MFHAS1: variants seen among roughly 807,000 people sequenced by gnomAD.
MFHAS1 encodes malignant fibrous histiocytoma-amplified sequence 1.
In MFHAS1, 50 loss-of-function variants were observed where a neutral mutation model predicts 70.4. That is an observed-to-expected ratio of 0.71 (90% CI 0.57 to 0.90). The LOEUF (loss-of-function observed/expected upper bound fraction) is 0.90. Among genes scored for constraint, MFHAS1 ranks in the 40% least tolerant of loss-of-function variants. MFHAS1 has a pLI of 0.00. For missense variants in MFHAS1, 1,795 were observed against 1,347.6 expected (o/e 1.33, Z -5.20); for synonymous variants, 952 against 620.0 (o/e 1.54, Z -7.96).
In MFHAS1 at chr8:8,890,176, G is replaced by C. The variant is rs778156928; in HGVS notation, c.2883C>G (p.Pro961=). The C allele has an allele frequency of 1.2e-6, 2 of 1,614,072 alleles. No homozygotes were observed. Among genetic ancestry groups the C allele is most frequent in the East Asian group, 2.2e-5 (1 of 44,890 alleles). ...GTAGGACATTCAGTTCCTCCACCAA[G>C]GGGGTTATGGCTTGCCATGCGGTCC... ...NIWTAWQAIT[P]LVEELNVLLQ... is the part of the protein sequence containing the mutation. The change falls in exon 1 of 3, where the codon CCC becomes CCG. Residue 961 remains proline (P), a synonymous_variant. Coordinates refer to ENST00000276282, the MANE Select transcript of MFHAS1 (RefSeq NM_004225.3).
At chr8:8,839,488 C>T (rs1433465507) in intron 1 of MFHAS1, among the ~76,000 whole-genome samples, 1 of 152,140 alleles carries the variant, frequency 6.6e-6, no homozygotes, top group Non-Finnish European at 1.5e-5. Flanking sequence ...AATGAGATAT[C>T]CTAGTTCTGG....
intron 2 of MFHAS1, among the ~76,000 whole-genome samples, chr8:8,787,905 T>C (rs1300695229): frequency 6.6e-6 from 1 of 152,244 alleles, no homozygotes; most frequent in African/African-American, 2.4e-5. Context: ...TTCACATCTA[T>C]ATGCCTTTTT....
At chr8:8,883,651 T>G (rs1010192829) in intron 1 of MFHAS1, among the ~76,000 whole-genome samples, 17 of 128,570 alleles carry the variant, frequency 1.3e-4, no homozygotes, top group Non-Finnish European at 2.2e-4. Flanking sequence ...GAGGTTGCAA[T>G]GAGCTCAGAC....
chr8:8,789,293 C>A (rs1029362919), intron 2 of MFHAS1, among the ~76,000 whole-genome samples: 1 of 152,178 alleles, frequency 6.6e-6, no homozygotes, highest in African/African-American at 2.4e-5. Context: ...TTACGGACTC[C>A]TAGCTTGGAG....
At chr8:8,877,714 A>G (rs1030436706) in intron 1 of MFHAS1, among the ~76,000 whole-genome samples, 1 of 152,056 alleles carries the variant, frequency 6.6e-6, no homozygotes, top group African/African-American at 2.4e-5. Context: ...ATGTGAAACT[A>G]CCCTTCCGTT....
chr8:8,863,223 C>T (rs921781203), intron 1 of MFHAS1, among the ~76,000 whole-genome samples: 2 of 152,178 alleles, frequency 1.3e-5, no homozygotes, highest in Admixed American at 6.5e-5. Flanking sequence ...GTCTTAATTA[C>T]TATAGCCGGA....
intron 1 of MFHAS1, among the ~76,000 whole-genome samples, chr8:8,853,078 T>C (rs1408779073): frequency 9.9e-5 from 15 of 152,168 alleles, no homozygotes; most frequent in Non-Finnish European, 8.8e-5. Context: ...TCCGTGTGTC[T>C]GCTCTCAAGA....
chr8:8,838,811 CAAA>C (rs33959926), intron 1 of MFHAS1, among the ~76,000 whole-genome samples: 2 of 136,194 alleles, frequency 1.5e-5, no homozygotes, highest in East Asian at 2.1e-4. Context: ...GACCCTGCCT[CAAA>C]AAAAAAAAAA....
chr8:8,856,464 A>T (rs1229525882), intron 1 of MFHAS1, among the ~76,000 whole-genome samples: 1 of 152,214 alleles, frequency 6.6e-6, no homozygotes, highest in Non-Finnish European at 1.5e-5. Context: ...TTCCTGTTGG[A>T]ATTCCTCTGG....
At chr8:8,805,670 A>G (rs1260396894) in intron 1 of MFHAS1, among the ~76,000 whole-genome samples, 7 of 151,990 alleles carry the variant, frequency 4.6e-5, no homozygotes, top group African/African-American at 9.7e-5. Flanking sequence ...CTTTCATGAC[A>G]ACCTTTTGTT....
At chr8:8,792,439 A>G (rs1298698582) in intron 2 of MFHAS1, among the ~76,000 whole-genome samples, 1 of 152,128 alleles carries the variant, frequency 6.6e-6, no homozygotes, top group East Asian at 1.9e-4. Context: ...CTTCTCTACT[A>G]ATACAAAAAA....
chr8:8,855,673 T>A (rs1808411754), intron 1 of MFHAS1, among the ~76,000 whole-genome samples: 2 of 152,028 alleles, frequency 1.3e-5, no homozygotes. Context: ...CTGGCCAACA[T>A]GGCAAAACCT....
chr8:8,846,680 G>C (rs568705513), intron 1 of MFHAS1, among the ~76,000 whole-genome samples: 1 of 151,854 alleles, frequency 6.6e-6, no homozygotes, highest in African/African-American at 2.4e-5. Context: ...CAGCTGTCTC[G>C]GGGCCTCTGC....
chr8:8,850,643 T>C (rs1427874119), intron 1 of MFHAS1, among the ~76,000 whole-genome samples: 6 of 152,080 alleles, frequency 3.9e-5, no homozygotes, highest in African/African-American at 1.4e-4. Flanking sequence ...GAGACCAGCC[T>C]GGCCAACATG....
At chr8:8,805,704 G>C (rs954411889) in intron 1 of MFHAS1, among the ~76,000 whole-genome samples, 4 of 151,980 alleles carry the variant, frequency 2.6e-5, no homozygotes, top group Non-Finnish European at 4.4e-5. Context: ...GTTTTGTTTT[G>C]CTTTCTTTTT....
At chr8:8,836,272 C>T (rs932144684) in intron 1 of MFHAS1, among the ~76,000 whole-genome samples, 1 of 152,210 alleles carries the variant, frequency 6.6e-6, no homozygotes, top group Non-Finnish European at 1.5e-5. Context: ...TGAGTAGCCT[C>T]AGGTTCTGGG....
intron 1 of MFHAS1, among the ~76,000 whole-genome samples, chr8:8,862,985 AC>A (rs1808723686): frequency 6.6e-6 from 1 of 152,298 alleles, no homozygotes; most frequent in African/African-American, 2.4e-5. Context: ...TTTAGCACTT[AC>A]ATTTAGATCG....
At chr8:8,851,735 T>C (rs182488971) in intron 1 of MFHAS1, among the ~76,000 whole-genome samples, 1 of 152,294 alleles carries the variant, frequency 6.6e-6, no homozygotes, top group Non-Finnish European at 1.5e-5. Context: ...AAAGAATGTA[T>C]TTAAAATAAG....
chr8:8,850,053 C>T (rs1172381987), intron 1 of MFHAS1, among the ~76,000 whole-genome samples: 1 of 152,294 alleles, frequency 6.6e-6, no homozygotes, highest in Non-Finnish European at 1.5e-5. Context: ...TAATACTATG[C>T]TTGTTCTAAT....
Sources: allele counts gnomAD v4.1 joint callset (sites outside exome capture counted in the v4.1 genomes callset), GRCh38; gene constraint gnomAD v4.1.1; transcripts MANE v1.5; gene names NCBI Gene and HGNC (gene_info 2026-07-23, HGNC 2026-07-21).